ACACA: variants seen among roughly 807,000 people sequenced by gnomAD.
ACACA encodes acetyl-CoA carboxylase alpha, also known as acetyl-CoA carboxylase 1.
In ACACA, 103 loss-of-function variants were observed where a neutral mutation model predicts 296.1. The observed-to-expected ratio is 0.35, with a 90% confidence interval of 0.30 to 0.41. ACACA has a LOEUF of 0.41. Among genes scored for constraint, ACACA ranks in the 10% least tolerant of loss-of-function variants. ACACA has a pLI of 1.00. For synonymous variants in ACACA, 953 were observed against 1,038.6 expected (o/e 0.92, Z 1.58); for missense variants, 1,554 against 2,989.7 (o/e 0.52, Z 11.20).
intron 11 of ACACA, 81 bp downstream of exon 11, chr17:37,263,604 A>T: frequency 8.2e-7 from 1 of 1,220,244 alleles, no homozygotes. Flanking sequence ...TTAAAATGCC[A>T]TTGTTCTCAG....
chr17:37,158,872 C>CT (rs1241171176), intron 42 of ACACA, among the ~76,000 whole-genome samples: 2 of 151,772 alleles, frequency 1.3e-5, no homozygotes, highest in African/African-American at 2.4e-5. Flanking sequence ...TCTCCATTCA[C>CT]TTTTTTTTAT....
intron 10 of ACACA, among the ~76,000 whole-genome samples, chr17:37,269,635 G>T (rs2081977110): frequency 6.6e-6 from 1 of 151,932 alleles, no homozygotes; most frequent in South Asian, 2.1e-4. Flanking sequence ...TTGTTTGTTT[G>T]TTGATTGTAA....
In ACACA at chr17:37,085,887, G is replaced by A. The variant is rs922334148; in HGVS notation, c.*1429C>T. ...TTAGTGATTTCCTCCTTGGTCATCA[G>A]TGACAAATGCAGTTAGCTGCACTAA... On this transcript the variant is annotated 3_prime_UTR_variant, in exon 56 of 56. Coordinates refer to ENST00000616317, the MANE Select transcript of ACACA (RefSeq NM_198834.3). 3 of 398,926 alleles carry A rather than the reference G, an allele frequency of 7.5e-6. No homozygotes were observed. Among genetic ancestry groups the A allele is most frequent in the Non-Finnish European group, 1.3e-5 (3 of 226,100 alleles). 24.7% of individuals were successfully genotyped at this position (398,926 alleles called of 1,614,324 possible).
rs1313208168 is a variant in ACACA at position 37,141,499 on chromosome 17, C to T, written c.5679+8365G>A. ...GCCAGCCTGGTCTTGAACTCCTGGC[C>T]TCAAGCCATCCTCCTTCCTTGGCCT... On this transcript the variant is annotated intron_variant, in intron 45 of 55. Coordinates refer to ENST00000616317, the MANE Select transcript of ACACA (RefSeq NM_198834.3). 5 of 233,350 alleles carry T rather than the reference C, an allele frequency of 2.1e-5. 1 individual carries two copies. Among genetic ancestry groups the T allele is most frequent in the Middle Eastern group, 3.1e-3 (2 of 638 alleles). The allele number at this position is 233,350 out of a possible 1,614,324, so 14.5% of individuals were successfully genotyped here. A position where few individuals can be genotyped will look rare whatever the true frequency, so the allele number is the denominator to read the frequency against.
rs1166631272 is a variant in ACACA at position 37,162,012 on chromosome 17, A to G, written c.5118T>C (p.Pro1706=). Residue 1706 remains proline, a synonymous_variant, in exon 42 of 56, where the codon CCT becomes CCC. Transcript: ENST00000616317. ...MVAWKMTFKS[P]EYPEGRDIIV... is the part of the protein sequence containing the mutation. ...TGATATCTCGGCCTTCTGGATATTCAGGACTTTTAAAGGTCATTTTCCAAG... is the reference window on the plus strand; with the variant it reads ...TGATATCTCGGCCTTCTGGATATTCGGGACTTTTAAAGGTCATTTTCCAAG... 3 of 1,614,090 alleles carry G rather than the reference A, an allele frequency of 1.9e-6. No individual in the cohort carries two copies. The highest frequency in any genetic ancestry group is 1.7e-6 in the Non-Finnish European group (2 of 1,180,028).
intron 13 of ACACA, 56 bp downstream of exon 13, chr17:37,258,156 A>G (rs897865192): frequency 6.3e-7 from 1 of 1,578,070 alleles, no homozygotes; most frequent in Non-Finnish European, 8.7e-7. Flanking sequence ...TTCAGATACT[A>G]TCTTAACATT....
intron 3 of ACACA, among the ~76,000 whole-genome samples, chr17:37,300,557 A>T (rs542427767): frequency 6.6e-6 from 1 of 152,344 alleles, no homozygotes; most frequent in Non-Finnish European, 1.5e-5. Context: ...CCACGCTGAG[A>T]ATATATTAAG....
At chr17:37,254,549 T>G (rs1396618096) in intron 14 of ACACA, among the ~76,000 whole-genome samples, 1 of 152,186 alleles carries the variant, frequency 6.6e-6, no homozygotes, top group Non-Finnish European at 1.5e-5. Context: ...ATCATCATAC[T>G]TAATACATTG....
chr17:37,128,392 A>T (rs150505994), intron 47 of ACACA, among the ~76,000 whole-genome samples: 126 of 152,206 alleles, frequency 8.3e-4, no homozygotes, highest in African/African-American at 2.8e-3. Flanking sequence ...GTACCCACAA[A>T]AGTTTATTAG....
At chr17:37,335,863 T>C (rs1598523453) in intron 2 of ACACA, among the ~76,000 whole-genome samples, 1 of 152,186 alleles carries the variant, frequency 6.6e-6, no homozygotes, top group Non-Finnish European at 1.5e-5. Flanking sequence ...AACCTTTTTA[T>C]TTTTAGAGGA....
chr17:37,156,076 T>G (rs1380713447), intron 42 of ACACA, among the ~76,000 whole-genome samples: 6 of 141,948 alleles, frequency 4.2e-5, no homozygotes, highest in African/African-American at 7.8e-5. Flanking sequence ...TTTTTTTTTT[T>G]TTGTTGAGAT....
At chr17:37,290,483 G>A (rs576288126) in intron 3 of ACACA, among the ~76,000 whole-genome samples, 12 of 152,218 alleles carry the variant, frequency 7.9e-5, no homozygotes, top group African/African-American at 1.7e-4. Flanking sequence ...ATTAATCCTC[G>A]CAATAATGCT....
intron 1 of ACACA, among the ~76,000 whole-genome samples, chr17:37,395,154 G>A (rs952349769): frequency 1.1e-4 from 16 of 152,008 alleles, no homozygotes; most frequent in African/African-American, 2.4e-4. Context: ...CTTTGGCTGG[G>A]TGCAGTGGCT....
chr17:37,215,953 C>A (rs1256465217), intron 29 of ACACA, among the ~76,000 whole-genome samples: 1 of 151,812 alleles, frequency 6.6e-6, no homozygotes, highest in Non-Finnish European at 1.5e-5. Flanking sequence ...ATAAAATGCT[C>A]CCTTAGTATA....
At chr17:37,367,101 T>A (rs953213517) in intron 1 of ACACA, 1 of 151,094 alleles carries the variant, frequency 6.6e-6, no homozygotes, top group African/African-American at 2.4e-5. Flanking sequence ...AAAAAATATA[T>A]ATATATATAT....
chr17:37,174,593 C>T (rs2077037804), intron 41 of ACACA, among the ~76,000 whole-genome samples: 1 of 151,748 alleles, frequency 6.6e-6, no homozygotes, highest in African/African-American at 2.4e-5. Context: ...AGTGCAGTGG[C>T]GCGATCTCGG....
chr17:37,393,057 G>A (rs2050947675), intron 1 of ACACA, among the ~76,000 whole-genome samples: 1 of 150,622 alleles, frequency 6.6e-6, no homozygotes, highest in South Asian at 2.1e-4. Context: ...CAGGAGAATC[G>A]CTTGAACCCG....
chr17:37,207,944 A>G (rs1183610674), intron 30 of ACACA, 144 bp from the exon 31 acceptor site: 5 of 873,254 alleles, frequency 5.7e-6, no homozygotes, highest in African/African-American at 3.3e-5. Context: ...CCCACTATGG[A>G]TAAGGTTGTT....
At chr17:37,203,659 C>T (rs2145329410) in intron 33 of ACACA, among the ~76,000 whole-genome samples, 1 of 152,182 alleles carries the variant, frequency 6.6e-6, no homozygotes, top group Admixed American at 6.5e-5. Context: ...AGGAGAATCA[C>T]TTGAACCCAG....
Sources: gnomAD v4.1 joint callset for allele counts (sites outside exome capture counted in the v4.1 genomes callset) on GRCh38, gnomAD v4.1.1 for gene constraint, MANE v1.5 for transcripts, NCBI Gene and HGNC (gene_info 2026-07-23, HGNC 2026-07-21) for gene names.